ADGRL3: variants seen among roughly 807,000 people sequenced by gnomAD.
The protein encoded by ADGRL3 is calcium-independent alpha-latrotoxin receptor 3.
A neutral mutation model predicts 153.5 loss-of-function variants in ADGRL3; 62 were observed. That is an observed-to-expected ratio of 0.40 (90% CI 0.33 to 0.50). The LOEUF (loss-of-function observed/expected upper bound fraction) is 0.50. Among genes scored for constraint, ADGRL3 ranks in the 20% least tolerant of loss-of-function variants. ADGRL3 has a pLI of 0.47. For missense variants in ADGRL3, 1,641 were observed against 1,859.4 expected (o/e 0.88, Z 2.16); for synonymous variants, 710 against 672.5 (o/e 1.06, Z -0.86).
intron 8 of ADGRL3, among the ~76,000 whole-genome samples, chr4:61,796,651 C>G (rs1458419334): frequency 1.3e-5 from 2 of 151,998 alleles, no homozygotes; most frequent in Non-Finnish European, 2.9e-5. Flanking sequence ...TTGAAAATGG[C>G]TTTACTGTTT....
At chr4:61,372,701 C>G (rs1020383237) in intron 1 of ADGRL3, among the ~76,000 whole-genome samples, 1 of 152,140 alleles carries the variant, frequency 6.6e-6, no homozygotes, top group African/African-American at 2.4e-5. Context: ...TGCCCTGCCC[C>G]CAGAGGTGGA....
intron 8 of ADGRL3, among the ~76,000 whole-genome samples, chr4:61,779,020 T>G (rs1002660143): frequency 6.6e-6 from 1 of 151,920 alleles, no homozygotes. Context: ...ATCATGCCAT[T>G]TGACTCAAGC....
chr4:61,615,604 T>A (rs1417772476), intron 5 of ADGRL3, among the ~76,000 whole-genome samples: 1 of 141,144 alleles, frequency 7.1e-6, no homozygotes, highest in South Asian at 2.3e-4. Flanking sequence ...GTGTGTATGT[T>A]TGTGTATGTG....
chr4:61,501,660 A>G (rs2098388344), intron 3 of ADGRL3, among the ~76,000 whole-genome samples: 1 of 152,212 alleles, frequency 6.6e-6, no homozygotes, highest in Non-Finnish European at 1.5e-5. Flanking sequence ...TTGGTTATAT[A>G]TAATTGTTAG....
In ADGRL3 at chr4:61,641,255, AAAAT is replaced by A. The variant is rs1333241754; in HGVS notation, c.474-35566_474-35563del. On this transcript the variant is annotated intron_variant, in intron 5 of 26. Transcript: ENST00000683033. The stretch of plus-strand genomic sequence containing the variant: ...CACAGTGCTTGTTATGTAGTAAATA[AAAAT>A]AAATCCTATTTTTTTTTCGTTTTAT... Among the ~76,000 whole-genome samples, 3 of 129,464 alleles carry A rather than the reference AAAAT, an allele frequency of 2.3e-5. No individual in the cohort carries two copies. In the Admixed American group the frequency reaches 2.5e-4, roughly 11 times the overall value. The allele number at this position is 129,464 out of a possible 152,430, so 84.9% of individuals were successfully genotyped here.
At chr4:61,549,186 T>C (rs928501757) in intron 4 of ADGRL3, among the ~76,000 whole-genome samples, 2 of 152,128 alleles carry the variant, frequency 1.3e-5, no homozygotes, top group African/African-American at 4.8e-5. Context: ...ATTGATTTTT[T>C]ATCCTGAGAC....
intron 1 of ADGRL3, among the ~76,000 whole-genome samples, chr4:61,279,439 T>C (rs887982052): frequency 2.6e-5 from 4 of 152,196 alleles, no homozygotes; most frequent in Non-Finnish European, 5.9e-5. Flanking sequence ...GCTGAGCACC[T>C]TATATGAATA....
Position 61,200,520 on chromosome 4 carries a change from C to CGCCGCCGCCGCG in ADGRL3, c.-1480_-1479insCGCCGCGGCCGC, listed in dbSNP as rs1284279652. ...GGGTGGGCGCCGCCGCCGCCGCCGC[C>CGCCGCCGCCGCG]GCCGCTGCTGCTGGTTTTTCTCGGA... On this transcript the variant is annotated 5_prime_UTR_variant, in exon 1 of 27. Transcript: ENST00000683033. Among the ~76,000 whole-genome samples, 2 of 151,824 alleles carry CGCCGCCGCCGCG rather than the reference C, an allele frequency of 1.3e-5. No individual in the cohort carries two copies. The highest frequency in any genetic ancestry group is 4.8e-5 in the African/African-American group (2 of 41,442).
intron 2 of ADGRL3, among the ~76,000 whole-genome samples, chr4:61,419,411 G>A (rs889897467): frequency 1.3e-5 from 2 of 150,734 alleles, no homozygotes; most frequent in African/African-American, 4.9e-5. Context: ...CCAGTGGCCA[G>A]AGCCAACCCA....
At chr4:61,455,556 C>T (rs2097724797) in intron 2 of ADGRL3, among the ~76,000 whole-genome samples, 1 of 151,922 alleles carries the variant, frequency 6.6e-6, no homozygotes, top group Non-Finnish European at 1.5e-5. Flanking sequence ...TTGTATTCTG[C>T]TGGGAAGAAG....
At chr4:61,578,234 C>T in intron 4 of ADGRL3, among the ~76,000 whole-genome samples, 1 of 152,158 alleles carries the variant, frequency 6.6e-6, no homozygotes, top group East Asian at 1.9e-4. Flanking sequence ...CTTTCTCGTT[C>T]ATGCCTTCTA....
chr4:61,929,818 A>T (rs1410329259), intron 13 of ADGRL3, among the ~76,000 whole-genome samples: 1 of 152,134 alleles, frequency 6.6e-6, no homozygotes, highest in Non-Finnish European at 1.5e-5. Flanking sequence ...TGTGCTAATA[A>T]TGGAAGACCT....
chr4:62,035,872 C>G (rs779942993), intron 23 of ADGRL3, among the ~76,000 whole-genome samples: 4 of 152,018 alleles, frequency 2.6e-5, no homozygotes, highest in Non-Finnish European at 5.9e-5. Flanking sequence ...ATCTCCTTAT[C>G]TATAAAATGA....
At chr4:61,546,716 C>T (rs917650844) in intron 4 of ADGRL3, among the ~76,000 whole-genome samples, 1 of 152,062 alleles carries the variant, frequency 6.6e-6, no homozygotes, top group African/African-American at 2.4e-5. Flanking sequence ...TGCTGATTCT[C>T]CAGACATGAG....
At chr4:61,725,516 A>AC (rs1466514171) in intron 6 of ADGRL3, among the ~76,000 whole-genome samples, 2 of 149,872 alleles carry the variant, frequency 1.3e-5, no homozygotes, top group African/African-American at 4.9e-5. Flanking sequence ...AATGGTGTGA[A>AC]CCCGGGAGGC....
At chr4:61,464,396 G>T (rs1449316233) in intron 2 of ADGRL3, among the ~76,000 whole-genome samples, 1 of 152,208 alleles carries the variant, frequency 6.6e-6, no homozygotes, top group Non-Finnish European at 1.5e-5. Flanking sequence ...GTGCAGAGTT[G>T]TTAGCTGGGA....
chr4:61,286,377 C>G (rs1383906246), intron 1 of ADGRL3, among the ~76,000 whole-genome samples: 2 of 150,784 alleles, frequency 1.3e-5, no homozygotes, highest in African/African-American at 4.9e-5. Flanking sequence ...AAGATTTTCA[C>G]CTCATCATGC....
intron 8 of ADGRL3, among the ~76,000 whole-genome samples, chr4:61,745,031 G>T (rs1009195987): frequency 3.9e-5 from 6 of 152,188 alleles, no homozygotes; most frequent in African/African-American, 1.4e-4. Context: ...GGAGCTGATG[G>T]AGCTGAGAAC....
chr4:61,946,583 T>G (rs1216399748), intron 15 of ADGRL3, among the ~76,000 whole-genome samples: 1 of 152,194 alleles, frequency 6.6e-6, no homozygotes, highest in Non-Finnish European at 1.5e-5. Context: ...AAGACATCTT[T>G]GCCTTCTTCA....
Sources: gnomAD v4.1 joint callset for allele counts (sites outside exome capture counted in the v4.1 genomes callset) on GRCh38, gnomAD v4.1.1 for gene constraint, MANE v1.5 for transcripts, NCBI Gene and HGNC (gene_info 2026-07-23, HGNC 2026-07-21) for gene names.